Variants in ZNF423 observed in about 807,000 individuals in gnomAD.
The protein encoded by ZNF423 is zinc finger protein 423.
ZNF423 carries 12 observed loss-of-function variants against 95.8 expected under a neutral mutation model. That is an observed-to-expected ratio of 0.13 (90% CI 0.08 to 0.20). ZNF423 has a LOEUF of 0.20. Among genes scored for constraint, ZNF423 ranks in the 10% least tolerant of loss-of-function variants. The pLI, the probability that ZNF423 is intolerant of heterozygous loss-of-function variation, is 1.00. For missense variants in ZNF423, 1,316 were observed against 1,737.1 expected, an observed-to-expected ratio of 0.76 and a Z score of 4.31; for synonymous variants, 749 against 711.9, an observed-to-expected ratio of 1.05 and a Z score of -0.83.
chr16:49,789,310 G>T (rs898301827), intron 2 of ZNF423, among the ~76,000 whole-genome samples, 177 bp downstream of exon 2: 2 of 152,184 alleles, frequency 1.3e-5, no homozygotes, highest in African/African-American at 4.8e-5. Context: ...GTATGTAATA[G>T]ATTTTATTGA....
At chr16:49,783,683 A>G (rs1017590278) in intron 2 of ZNF423, among the ~76,000 whole-genome samples, 4 of 151,732 alleles carry the variant, frequency 2.6e-5, no homozygotes, top group African/African-American at 7.3e-5. Flanking sequence ...AATAAAGGGG[A>G]TTTGGAGACG....
At chr16:49,661,422 C>T (rs1447864526) in intron 3 of ZNF423, among the ~76,000 whole-genome samples, 2 of 152,206 alleles carry the variant, frequency 1.3e-5, no homozygotes, top group Non-Finnish European at 2.9e-5. Context: ...CAGAAACCTC[C>T]TTACTTCCTA....
At chr16:49,839,172 G>C (rs1313023290) in intron 1 of ZNF423, among the ~76,000 whole-genome samples, 1 of 143,306 alleles carries the variant, frequency 7.0e-6, no homozygotes, top group Non-Finnish European at 1.5e-5. Flanking sequence ...CCTCATCCCA[G>C]GACCCAGATC....
intron 7 of ZNF423, among the ~76,000 whole-genome samples, chr16:49,508,513 T>TAAAAAA (rs35061120): frequency 4.8e-4 from 49 of 101,854 alleles, no homozygotes; most frequent in African/African-American, 1.8e-3. Flanking sequence ...TTCTCTTTCT[T>TAAAAAA]AAAAAAAAAA....
chr16:49,547,228 C>T (rs751461489), intron 5 of ZNF423, among the ~76,000 whole-genome samples: 87 of 152,076 alleles, frequency 5.7e-4, no homozygotes, highest in Non-Finnish European at 9.6e-4. Context: ...CACTCAGATG[C>T]TGAGAGTGCC....
At chr16:49,815,871 A>ACTT in intron 1 of ZNF423, among the ~76,000 whole-genome samples, 1 of 25,844 alleles carries the variant, frequency 3.9e-5, no homozygotes, top group South Asian at 1.9e-3. Flanking sequence ...CCAAACAAAC[A>ACTT]AAAAAAAAAA....
At chr16:49,686,232 CAATT>C (rs1228353669) in intron 3 of ZNF423, among the ~76,000 whole-genome samples, 3 of 152,146 alleles carry the variant, frequency 2.0e-5, no homozygotes, top group African/African-American at 7.2e-5. Flanking sequence ...AGTAGGTGCT[CAATT>C]AATATGCATT....
intron 5 of ZNF423, among the ~76,000 whole-genome samples, chr16:49,537,340 G>A (rs190872998): frequency 2.1e-3 from 314 of 152,288 alleles, no homozygotes; most frequent in Non-Finnish European, 3.4e-3. Context: ...GTGGCTCATC[G>A]AGGAAATAAA....
chr16:49,609,086 T>C (rs1035989465), intron 5 of ZNF423, among the ~76,000 whole-genome samples: 2 of 152,084 alleles, frequency 1.3e-5, no homozygotes, highest in Non-Finnish European at 2.9e-5. Context: ...CCTGGTATAG[T>C]GGAGACCATG....
chr16:49,536,712 C>T (rs1969068034), intron 5 of ZNF423, among the ~76,000 whole-genome samples: 1 of 152,174 alleles, frequency 6.6e-6, no homozygotes, highest in Admixed American at 6.5e-5. Flanking sequence ...CCACTGTGCC[C>T]AGCCTGTGGC....
chr16:49,510,982 A>C (rs553456350), intron 7 of ZNF423, among the ~76,000 whole-genome samples: 141 of 152,342 alleles, frequency 9.3e-4, no homozygotes, highest in African/African-American at 3.2e-3. Context: ...CAATGGGCAG[A>C]CGGGCAGCCG....
At chr16:49,604,340 TC>T (rs1368915537) in intron 5 of ZNF423, among the ~76,000 whole-genome samples, 9 of 151,460 alleles carry the variant, frequency 5.9e-5, no homozygotes, top group Non-Finnish European at 5.9e-5. Flanking sequence ...GACCCACACC[TC>T]CCCTAGCCCT....
At chr16:49,738,228 C>T (rs1346612969) in intron 2 of ZNF423, among the ~76,000 whole-genome samples, 1 of 152,228 alleles carries the variant, frequency 6.6e-6, no homozygotes, top group Non-Finnish European at 1.5e-5. Context: ...TCAAAGCCCA[C>T]ACAAAGGCTG....
chr16:49,785,882 C>T (rs998826728), intron 2 of ZNF423, among the ~76,000 whole-genome samples: 23 of 152,204 alleles, frequency 1.5e-4, no homozygotes, highest in African/African-American at 5.3e-4. Flanking sequence ...TTGGGGTTGG[C>T]AGGAGAAGAA....
chr16:49,754,486 G>A (rs550117142), intron 2 of ZNF423, among the ~76,000 whole-genome samples: 1 of 152,278 alleles, frequency 6.6e-6, no homozygotes, highest in East Asian at 1.9e-4. Flanking sequence ...CCCATCCCTG[G>A]AGGCATCCAA....
chr16:49,832,531 A>G (rs968892300), intron 1 of ZNF423, among the ~76,000 whole-genome samples: 2 of 152,120 alleles, frequency 1.3e-5, no homozygotes, highest in African/African-American at 4.8e-5. Flanking sequence ...AGAGCTCCTC[A>G]AATAGGCGCT....
At chr16:49,578,044 A>G (rs1200439559) in intron 5 of ZNF423, among the ~76,000 whole-genome samples, 1 of 152,274 alleles carries the variant, frequency 6.6e-6, no homozygotes, top group African/African-American at 2.4e-5. Flanking sequence ...GGCAGGATCA[A>G]CAGAGCCTAG....
chr16:49,666,703 G>A (rs1381204681), intron 3 of ZNF423, among the ~76,000 whole-genome samples: 1 of 152,186 alleles, frequency 6.6e-6, no homozygotes, highest in Non-Finnish European at 1.5e-5. Context: ...AGATGGGGGA[G>A]GCCCAGCTCA....
chr16:49,858,610 G>GA (rs895567939), upstream of ZNF423, among the ~76,000 whole-genome samples: 2 of 152,104 alleles, frequency 1.3e-5, no homozygotes, highest in Non-Finnish European at 2.9e-5. The surrounding 1 kb of genome is among the most constrained non-coding windows in gnomAD (Gnocchi z 4.3). Context: ...CCTAAGCCTT[G>GA]AGGGCCGCCC....
Sources: allele counts gnomAD v4.1 joint callset (sites outside exome capture counted in the v4.1 genomes callset), GRCh38; gene constraint gnomAD v4.1.1; non-coding constraint Gnocchi (gnomAD v3.1); transcripts MANE v1.5; gene names NCBI Gene and HGNC (gene_info 2026-07-23, HGNC 2026-07-21).